Variants in SLITRK6 observed in about 807,000 individuals in gnomAD.
The protein encoded by SLITRK6 is SLIT and NTRK-like protein 6.
SLITRK6 carries 35 observed loss-of-function variants against 55.6 expected under a neutral mutation model. That is an observed-to-expected ratio of 0.63 (90% CI 0.48 to 0.83). SLITRK6 has a LOEUF of 0.83. Ranked by LOEUF, SLITRK6 falls within the 40% of genes least tolerant of loss-of-function variation. The pLI, the probability that SLITRK6 is intolerant of heterozygous loss-of-function variation, is 0.00. For missense variants in SLITRK6, 977 were observed against 986.4 expected (o/e 0.99, Z 0.13); for synonymous variants, 392 against 359.6 (o/e 1.09, Z -1.02).
chr13:85,795,663 T>A lies in SLITRK6; in HGVS notation c.846A>T (p.Ser282=), dbSNP rs913968512. The change falls in exon 2 of 2, where the codon TCA becomes TCT. Residue 282 remains serine (S), a synonymous_variant. Transcript: ENST00000647374. ...TTGAAGATGTTGCTGCCAGATGTAA[T>A]GATCCTGAAGGATCCTCATGTTCTT... ...VYEEHEDPSG[S]LHLAATSSIN... 10 of 1,613,012 alleles carry A rather than the reference T, an allele frequency of 6.2e-6. No homozygotes were observed. The African/African-American group carries it at 1.3e-4, about 22-fold the overall frequency.
At position 85,795,496 on chromosome 13, in the gene SLITRK6, A is replaced by G. The variant is rs1874687067; in HGVS notation, c.1013T>C (p.Leu338Pro). Residue 338 changes from leucine (L) to proline (P), a missense_variant, in exon 2 of 2, where the codon CTA (leucine) becomes CCA (proline). Transcript: ENST00000647374. The stretch of plus-strand genomic sequence containing the variant: ...ATGTATTAGAAGTCCTGATGGGGAT[A>G]GGACTTTGCAGTTACAAGGAATAGG... ...YCPIPCNCKV[L>P]SPSGLLIHCQ... 1.2e-6 allele frequency: 2 copies of G among 1,613,040 alleles called. No individual in the cohort carries two copies. Among genetic ancestry groups the G allele is most frequent in the African/African-American group, 2.7e-5 (2 of 74,962 alleles).
chr13:85,795,819 T>G lies in SLITRK6; in HGVS notation c.690A>C (p.Lys230Asn). Residue 230 changes from lysine (K) to asparagine (N), a missense_variant, in exon 2 of 2, where the codon AAA (lysine) becomes AAC (asparagine). Physicochemically the swap from Lys to Asn is moderately conservative, Grantham distance 94. Coordinates refer to ENST00000647374, the MANE Select transcript of SLITRK6 (RefSeq NM_032229.3). ...GTGGAGGCATGTTCTCCAACCAAGT[T>G]TTTAACTGCAATAAGTCACAATTGC... ...WACNCDLLQLKTWLENMPPQS... is the reference protein window; with the variant it reads ...WACNCDLLQLNTWLENMPPQS... 6.2e-7 allele frequency: 1 copy of G among 1,612,962 alleles called. No homozygotes were observed. Among genetic ancestry groups the G allele is most frequent in the Non-Finnish European group, 8.5e-7 (1 of 1,179,422 alleles).
chr13:85,797,989 C>T (rs1448877678), intron 1 of SLITRK6, among the ~76,000 whole-genome samples: 1 of 151,760 alleles, frequency 6.6e-6, no homozygotes, highest in Admixed American at 6.6e-5. Context: ...GTAAAACATA[C>T]CAGAACCCAA....
chr13:85,795,421 T>G lies in SLITRK6; in HGVS notation c.1088A>C (p.Gln363Pro). 1 of 1,613,010 alleles carries G rather than the reference T, an allele frequency of 6.2e-7. No homozygotes were observed. The highest frequency in any genetic ancestry group is 8.5e-7 in the Non-Finnish European group (1 of 1,179,416). Residue 363 changes from glutamine to proline, a missense_variant, in exon 2 of 2, where the codon CAA becomes CCA. Physicochemically the swap from Gln to Pro is moderately conservative, Grantham distance 76 (BLOSUM62 -1). Coordinates refer to ENST00000647374, the MANE Select transcript of SLITRK6 (RefSeq NM_032229.3). ...ESLSDLRPPPQNPRKLILAGN... is the reference protein window; with the variant it reads ...ESLSDLRPPPPNPRKLILAGN... ...CGCTAGAATGAGCTTTCTAGGATTT[T>G]GCGGAGGAGGTCTCAGATCTGATAA...
chr13:85,794,884 T>C lies in SLITRK6; in HGVS notation c.1625A>G (p.Asp542Gly). Residue 542 changes from aspartate to glycine, a missense_variant, in exon 2 of 2, where the codon GAT becomes GGT. Transcript: ENST00000647374. ...CCCGGGGGAAGTGCAGAGGATGTCA[T>C]CTGTCACTGTGTTCTTGCTTAACTT... ...IQKLSKNTVT[D>G]DILCTSPGHL... The C allele has an allele frequency of 5.6e-6, 9 of 1,613,106 alleles. No homozygotes were observed. Among genetic ancestry groups the C allele is most frequent in the Non-Finnish European group, 7.6e-6 (9 of 1,179,502 alleles).
chr13:85,795,390 A>G lies in SLITRK6; in HGVS notation c.1119T>C (p.Asn373=). 1.2e-6 allele frequency: 2 copies of G among 1,612,762 alleles called. No homozygotes were observed. The highest frequency in any genetic ancestry group is 1.7e-4 in the Middle Eastern group (1 of 6,048). ...QNPRKLILAG[N]IIHSLMKSDL... is the part of the protein sequence containing the mutation. ...CAGACTTCATTAAACTGTGAATAATATTTCCCGCTAGAATGAGCTTTCTAG... is the reference window on the plus strand; with the variant it reads ...CAGACTTCATTAAACTGTGAATAATGTTTCCCGCTAGAATGAGCTTTCTAG... Residue 373 remains asparagine, a synonymous_variant, in exon 2 of 2, where the codon AAT becomes AAC. Transcript: ENST00000647374.
chr13:85,795,092 C>G lies in SLITRK6; in HGVS notation c.1417G>C (p.Val473Leu). ...VLYLNNNLLQ[V>L]LPPHIFSGVP... is the part of the protein sequence containing the mutation. The stretch of plus-strand genomic sequence containing the variant: ...CCTGAAAAAATATGTGGTGGTAAAA[C>G]TTGGAGGAGGTTGTTATTTAAATAC... The change falls in exon 2 of 2, where the codon GTT (valine) becomes CTT (leucine). Residue 473 changes from valine (V) to leucine (L), a missense_variant. By Grantham distance (32) the Val-to-Leu change is conservative. Transcript: ENST00000647374. 1 of 1,612,966 alleles carries G rather than the reference C, an allele frequency of 6.2e-7. No homozygotes were observed. Among genetic ancestry groups the G allele is most frequent in the Non-Finnish European group, 8.5e-7 (1 of 1,179,402 alleles).
Position 85,793,847 on chromosome 13 carries a change from CTTCT to C in SLITRK6, c.*132_*135del. On this transcript the variant is annotated 3_prime_UTR_variant, in exon 2 of 2. Transcript: ENST00000647374. ...AGTGATCCCTGAGTTTCTTTTTCTT[CTTCT>C]TTTTTTTTCCCCATAGTTTACTGCT... The C allele has an allele frequency of 9.6e-7, 1 of 1,041,026 alleles. No homozygotes were observed. Among genetic ancestry groups the C allele is most frequent in the Non-Finnish European group, 1.3e-6 (1 of 757,120 alleles). 64.5% of individuals were successfully genotyped at this position (1,041,026 alleles called of 1,614,324 possible). A position where few individuals can be genotyped will look rare whatever the true frequency, so the allele number is the denominator to read the frequency against.
In SLITRK6 at chr13:85,794,786, T is replaced by G; in HGVS notation, c.1723A>C (p.Met575Leu). Residue 575 changes from methionine (M) to leucine (L), a missense_variant, in exon 2 of 2, where the codon ATG (methionine) becomes CTG (leucine). Transcript: ENST00000647374. ...ATAAGGTAACTAGTCTGTGTTGGCA[T>G]GGATGGGTTATTTACTAAACCTGGA... ...LCPGLVNNPS[M>L]PTQTSYLMVT... 1 of 1,613,250 alleles carries G rather than the reference T, an allele frequency of 6.2e-7. No homozygotes were observed. The highest frequency in any genetic ancestry group is 8.5e-7 in the Non-Finnish European group (1 of 1,179,546).
Position 85,795,561 on chromosome 13 carries a change from A to G in SLITRK6, c.948T>C (p.Tyr316=), listed in dbSNP as rs1450830767. The part of the protein sequence containing the change: ...LPTKAPGLIP[Y]ITKPSTQLPG... Reference sequence around the variant, plus strand: ...GAAGTTGAGTGGATGGCTTTGTAATATAAGGTATCAAACCTGGTGCTTTGG... The same window carrying G: ...GAAGTTGAGTGGATGGCTTTGTAATGTAAGGTATCAAACCTGGTGCTTTGG... The change falls in exon 2 of 2, where the codon TAT becomes TAC. Residue 316 remains tyrosine (Y), a synonymous_variant. Transcript: ENST00000647374. 7.4e-6 allele frequency: 12 copies of G among 1,612,896 alleles called. No homozygotes were observed. The highest frequency in any genetic ancestry group is 5.0e-5 in the Admixed American group (3 of 59,858).
chr13:85,795,435 C>T lies in SLITRK6; in HGVS notation c.1074G>A (p.Leu358=), dbSNP rs762788933. 14 of 1,612,854 alleles carry T rather than the reference C, an allele frequency of 8.7e-6. No individual in the cohort carries two copies. The highest frequency in any genetic ancestry group is 4.5e-5 in the East Asian group (2 of 44,828). The stretch of plus-strand genomic sequence containing the variant: ...TTCTAGGATTTTGCGGAGGAGGTCT[C>T]AGATCTGATAAGCTTTCAATGTTGC... ...QERNIESLSD[L]RPPPQNPRKL... is the part of the protein sequence containing the mutation. The change falls in exon 2 of 2, where the codon CTG becomes CTA. Residue 358 remains leucine (L), a synonymous_variant. Transcript: ENST00000647374.
chr13:85,797,560 A>G (rs773697100), intron 1 of SLITRK6, among the ~76,000 whole-genome samples: 1 of 151,812 alleles, frequency 6.6e-6, no homozygotes, highest in African/African-American at 2.4e-5. Context: ...ATGTCATCAC[A>G]TAATTAAGCA....
chr13:85,795,395 C>T lies in SLITRK6; in HGVS notation c.1114G>A (p.Gly372Arg), dbSNP rs1258104739. Residue 372 changes from glycine (G) to arginine (R), a missense_variant, in exon 2 of 2, where the codon GGA (glycine) becomes AGA (arginine). Coordinates refer to ENST00000647374, the MANE Select transcript of SLITRK6 (RefSeq NM_032229.3). ...PQNPRKLILA[G>R]NIIHSLMKSD... Reference sequence around the variant, plus strand: ...TTCATTAAACTGTGAATAATATTTCCCGCTAGAATGAGCTTTCTAGGATTT... The same window carrying T: ...TTCATTAAACTGTGAATAATATTTCTCGCTAGAATGAGCTTTCTAGGATTT... 1 of 1,612,628 alleles carries T rather than the reference C, an allele frequency of 6.2e-7. No homozygotes were observed. Among genetic ancestry groups the T allele is most frequent in the Admixed American group, 1.7e-5 (1 of 59,748 alleles).
At position 85,794,485 on chromosome 13, in the gene SLITRK6, G is replaced by A. The variant is rs1460998949; in HGVS notation, c.2024C>T (p.Ala675Val). Residue 675 changes from alanine to valine, a missense_variant, in exon 2 of 2, where the codon GCC becomes GTC. Physicochemically the swap from Ala to Val is moderately conservative, Grantham distance 64. Coordinates refer to ENST00000647374, the MANE Select transcript of SLITRK6 (RefSeq NM_032229.3). ...TTHHTTERPS[A>V]SLYEQHMVSP... is the part of the protein sequence containing the mutation. ...CACCATGTGCTGTTCATAGAGTGAG[G>A]CAGAGGGTCTTTCAGTAGTGTGATG... 1 of 1,613,254 alleles carries A rather than the reference G, an allele frequency of 6.2e-7. No homozygotes were observed. Among genetic ancestry groups the A allele is most frequent in the Non-Finnish European group, 8.5e-7 (1 of 1,179,588 alleles).
In SLITRK6 at chr13:85,799,202, A is replaced by G. The variant is rs990941406; in HGVS notation, c.-313T>C. Reference sequence around the variant, plus strand: ...AAAATTCACGGCATACTTCACAGCTATGCTGACTTTTTTGCATATAGTTAA... The same window carrying G: ...AAAATTCACGGCATACTTCACAGCTGTGCTGACTTTTTTGCATATAGTTAA... On this transcript the variant is annotated 5_prime_UTR_variant, in exon 1 of 2. Transcript: ENST00000647374. 1 of 151,978 alleles carries G rather than the reference A, an allele frequency of 6.6e-6. No individual in the cohort carries two copies. The highest frequency in any genetic ancestry group is 1.5e-5 in the Non-Finnish European group (1 of 67,988). 9.4% of individuals were successfully genotyped at this position (151,978 alleles called of 1,614,324 possible). A position where few individuals can be genotyped will look rare whatever the true frequency, so the allele number is the denominator to read the frequency against.
At position 85,794,948 on chromosome 13, in the gene SLITRK6, A is replaced by C. The variant is rs1874660206; in HGVS notation, c.1561T>G (p.Cys521Gly). ...QIDLEDNPWD[C>G]SCDLVGLQQW... ...TGCAGTCCAACCAGGTCACAGGAGC[A>C]GTCCCAGGGGTTATCCTCAAGGTCA... Residue 521 changes from cysteine (C) to glycine (G), a missense_variant, in exon 2 of 2, where the codon TGC becomes GGC. Physicochemically the swap from Cys to Gly is radical, Grantham distance 159. Coordinates refer to ENST00000647374, the MANE Select transcript of SLITRK6 (RefSeq NM_032229.3). The C allele has an allele frequency of 1.9e-6, 3 of 1,613,182 alleles. No homozygotes were observed. In the East Asian group the frequency reaches 6.7e-5, roughly 36 times the overall value.
Position 85,794,431 on chromosome 13 carries a change from G to GATT in SLITRK6, c.2077_2078insAAT (p.Pro693delinsGlnSer). ...TTCCAGATGCTTTGGACCAAAGGAT[G>GATT]GACTTCTATAGACATGAACCATGGG... On this transcript the variant is annotated protein_altering_variant, in exon 2 of 2. Coordinates refer to ENST00000647374, the MANE Select transcript of SLITRK6 (RefSeq NM_032229.3). 1 of 1,613,256 alleles carries GATT rather than the reference G, an allele frequency of 6.2e-7. No homozygotes were observed. The highest frequency in any genetic ancestry group is 8.5e-7 in the Non-Finnish European group (1 of 1,179,540).
At chr13:85,798,159 G>A (rs1874778902) in intron 1 of SLITRK6, among the ~76,000 whole-genome samples, 2 of 151,858 alleles carry the variant, frequency 1.3e-5, no homozygotes, top group Admixed American at 1.3e-4. Flanking sequence ...TTTTTCTGTA[G>A]GTAAATAATT....
intron 1 of SLITRK6, among the ~76,000 whole-genome samples, chr13:85,797,210 G>A (rs541756138): frequency 2.8e-4 from 42 of 150,552 alleles, no homozygotes; most frequent in African/African-American, 4.9e-4. Context: ...AGGAAAATGC[G>A]TCTTTGATCA....
Sources: gnomAD v4.1 joint callset for allele counts (sites outside exome capture counted in the v4.1 genomes callset) on GRCh38, gnomAD v4.1.1 for gene constraint, MANE v1.5 for transcripts, NCBI Gene and HGNC (gene_info 2026-07-23, HGNC 2026-07-21) for gene names.